VAPA: variants seen among roughly 807,000 people sequenced by gnomAD.
VAPA encodes the protein VAMP associated protein A.
VAPA carries 6 observed loss-of-function variants against 25.6 expected under a neutral mutation model. That is an observed-to-expected ratio of 0.23 (90% CI 0.13 to 0.46). VAPA has a LOEUF of 0.46. Ranked by LOEUF, VAPA falls within the 20% of genes least tolerant of loss-of-function variation. The pLI, the probability that VAPA is intolerant of heterozygous loss-of-function variation, is 0.99. For synonymous variants in VAPA, 112 were observed against 106.2 expected (o/e 1.05, Z -0.34); for missense variants, 244 against 302.1 (o/e 0.81, Z 1.43).
At chr18:9,942,043 T>C (rs746578828) in intron 4 of VAPA, among the ~76,000 whole-genome samples, 1 of 152,234 alleles carries the variant, frequency 6.6e-6, no homozygotes, top group Non-Finnish European at 1.5e-5. Flanking sequence ...GCAAAATCAG[T>C]TCAGCTTTTA....
chr18:9,921,841 G>A (rs1487241601), intron 1 of VAPA, among the ~76,000 whole-genome samples: 1 of 152,112 alleles, frequency 6.6e-6, no homozygotes, highest in Non-Finnish European at 1.5e-5. Flanking sequence ...AGTTTTAAAC[G>A]TTTGAAAACT....
rs2069260816 is a variant in VAPA, at chr18:9,932,046, A to C, written c.232+84A>C. On this transcript the variant is annotated intron_variant, in intron 2 of 5. Transcript: ENST00000400000. ...TTTTGTTTAATAAGGTTTCATCTGG[A>C]GGGAGGGAAATAATTCTTATATTAT... The C allele has an allele frequency of 5.2e-6, 5 of 959,326 alleles. No individual in the cohort carries two copies. In the South Asian group the frequency reaches 8.6e-5, roughly 17 times the overall value. 59.4% of individuals were successfully genotyped at this position (959,326 alleles called of 1,614,324 possible).
At position 9,956,789 on chromosome 18, in the gene VAPA, A is replaced by C. The variant is rs1008314511; in HGVS notation, c.*2578A>C. 1 of 152,370 alleles carries C rather than the reference A, an allele frequency of 6.6e-6. No homozygotes were observed. Among genetic ancestry groups the C allele is most frequent in the African/African-American group, 2.4e-5 (1 of 41,464 alleles). 9.4% of individuals were successfully genotyped at this position (152,370 alleles called of 1,614,324 possible). On this transcript the variant is annotated 3_prime_UTR_variant, in exon 6 of 6. Transcript: ENST00000400000. ...CTGCTTACTTGTATATGTAAGCATG[A>C]GGGAAATACACTGTTGCTAATACTG... is the stretch of plus-strand genomic sequence containing the variant.
intron 4 of VAPA, among the ~76,000 whole-genome samples, chr18:9,943,840 C>CTTTTTT (rs1281083775): frequency 3.3e-5 from 3 of 90,480 alleles, no homozygotes; most frequent in South Asian, 3.3e-4. Flanking sequence ...GACATATTTC[C>CTTTTTT]CTTTTTTTTT....
intron 2 of VAPA, among the ~76,000 whole-genome samples, chr18:9,932,880 G>A (rs1391232800): frequency 1.3e-5 from 2 of 152,012 alleles, no homozygotes; most frequent in Non-Finnish European, 1.5e-5. Context: ...AGGCCGAGGC[G>A]GGTGGATCAC....
rs1051284303 is a variant in VAPA, at chr18:9,957,499, A to G, written c.*3288A>G. On this transcript the variant is annotated 3_prime_UTR_variant, in exon 6 of 6. Coordinates refer to ENST00000400000, the MANE Select transcript of VAPA (RefSeq NM_194434.3). ...CCAACTTGTGATCTTCTACCACTTT[A>G]GAGACATTCAAGTAATAGTTTTCTT... The G allele has an allele frequency of 2.0e-5, 3 of 152,216 alleles. No individual in the cohort carries two copies. Among genetic ancestry groups the G allele is most frequent in the Non-Finnish European group, 1.5e-5 (1 of 68,026 alleles). 9.4% of individuals were successfully genotyped at this position (152,216 alleles called of 1,614,324 possible).
intron 1 of VAPA, among the ~76,000 whole-genome samples, chr18:9,916,566 T>TGGG: frequency 6.6e-6 from 1 of 152,280 alleles, no homozygotes; most frequent in Middle Eastern, 3.4e-3. Flanking sequence ...ATGGAGATGA[T>TGGG]GGGGAGGATT....
In VAPA at chr18:9,950,435, C is replaced by G. The variant is rs752269840; in HGVS notation, c.458C>G (p.Ser153Cys). 2 of 1,614,028 alleles carry G rather than the reference C, an allele frequency of 1.2e-6. No homozygotes were observed. The highest frequency in any genetic ancestry group is 1.1e-5 in the South Asian group (1 of 91,042). The change falls in exon 5 of 6, where the codon TCT becomes TGT. Residue 153 changes from serine (S) to cysteine (C), a missense_variant. Physicochemically the swap from Ser to Cys is moderately radical, Grantham distance 112. Coordinates refer to ENST00000400000, the MANE Select transcript of VAPA (RefSeq NM_194434.3). Reference protein sequence around the residue: ...EPSKAVPLNASKQDGPMPKPH... With the variant: ...EPSKAVPLNACKQDGPMPKPH... ...AGCAAAGCTGTTCCACTGAATGCAT[C>G]TAAGCAAGATGGACCTATGCCAAAA...
Position 9,959,459 on chromosome 18 carries a change from A to G in VAPA, c.*5248A>G, listed in dbSNP as rs999751988. ...CAAGAGTGTGTGTTACTCTAAGAAG[A>G]AGGCTATAGAATTTATGGAAATGGC... is the stretch of plus-strand genomic sequence containing the variant. On this transcript the variant is annotated 3_prime_UTR_variant, in exon 6 of 6. Transcript: ENST00000400000. The G allele has an allele frequency of 2.6e-5, 4 of 152,148 alleles. No individual in the cohort carries two copies. The highest frequency in any genetic ancestry group is 2.9e-5 in the Non-Finnish European group (2 of 68,004). 9.4% of individuals were successfully genotyped at this position (152,148 alleles called of 1,614,324 possible). A position where few individuals can be genotyped will look rare whatever the true frequency, so the allele number is the denominator to read the frequency against.
intron 4 of VAPA, among the ~76,000 whole-genome samples, chr18:9,943,224 A>G (rs1423029140): frequency 1.3e-5 from 2 of 152,218 alleles, no homozygotes; most frequent in Non-Finnish European, 2.9e-5. Context: ...ATTTGTGACA[A>G]AACAATTCTC....
Position 9,954,234 on chromosome 18 carries a change from TTC to T in VAPA, c.*25_*26del, listed in dbSNP as rs772624140. ...TAGAGTGAAGCATGCAGAGTGCTGT[TTC>T]TTTTTTTTTTTTTCTCTTGACCAGA... is the stretch of plus-strand genomic sequence containing the variant. On this transcript the variant is annotated 3_prime_UTR_variant, in exon 6 of 6. Transcript: ENST00000400000. The T allele has an allele frequency of 1.9e-6, 3 of 1,566,332 alleles. No homozygotes were observed. The African/African-American group carries it at 4.2e-5, about 22-fold the overall frequency.
intron 4 of VAPA, among the ~76,000 whole-genome samples, chr18:9,945,881 C>T (rs1476862120): frequency 6.6e-6 from 1 of 152,080 alleles, no homozygotes; most frequent in East Asian, 1.9e-4. Flanking sequence ...AATCCTGTCT[C>T]TTAATTCATA....
chr18:9,948,101 TTTC>T (rs1216896973), intron 4 of VAPA: 2 of 152,346 alleles, frequency 1.3e-5, no homozygotes, highest in South Asian at 2.1e-4. Flanking sequence ...TTGGTTATCA[TTTC>T]TTCTCCTTTT....
chr18:9,933,116 A>G (rs1002099332), intron 2 of VAPA, among the ~76,000 whole-genome samples: 1 of 152,120 alleles, frequency 6.6e-6, no homozygotes, highest in African/African-American at 2.4e-5. Flanking sequence ...TACCTTAAAA[A>G]AAAAAAAAGC....
intron 2 of VAPA, 29 bp downstream of exon 2, chr18:9,931,991 C>G: frequency 6.7e-7 from 1 of 1,492,798 alleles, no homozygotes; most frequent in Non-Finnish European, 9.1e-7. Flanking sequence ...AATTTATGTA[C>G]ATTTGAATTT....
intron 1 of VAPA, among the ~76,000 whole-genome samples, chr18:9,917,416 G>T (rs1188832348): frequency 6.6e-6 from 1 of 152,088 alleles, no homozygotes; most frequent in African/African-American, 2.4e-5. Context: ...TCAGTCTCCA[G>T]AGTAGCTGGA....
In VAPA at chr18:9,945,453, C is replaced by T. The variant is rs184915564; in HGVS notation, c.418-4942C>T. On this transcript the variant is annotated intron_variant, in intron 4 of 5. Transcript: ENST00000400000. ...CAGCTCACTGCAACCTCTGCCTCCC[C>T]GGTTCAAGGGATTCTCCCACCTCAG... 3.1e-3 allele frequency among the ~76,000 whole-genome samples: 458 copies of T among 145,452 alleles called. 5 individuals carry two copies. Among genetic ancestry groups the T allele is most frequent in the African/African-American group, 0.011 (433 of 39,056 alleles).
At chr18:9,937,737 A>C (rs749531260) in intron 4 of VAPA, among the ~76,000 whole-genome samples, 4 of 152,096 alleles carry the variant, frequency 2.6e-5, no homozygotes, top group Non-Finnish European at 5.9e-5. Flanking sequence ...TTGAAAGATA[A>C]ATTTTTCTGT....
Position 9,958,917 on chromosome 18 carries a change from A to G in VAPA, c.*4706A>G, listed in dbSNP as rs1263283547. The G allele has an allele frequency of 2.0e-5, 3 of 152,210 alleles. No homozygotes were observed. The highest frequency in any genetic ancestry group is 4.4e-5 in the Non-Finnish European group (3 of 68,030). 9.4% of individuals were successfully genotyped at this position (152,210 alleles called of 1,614,324 possible). A position where few individuals can be genotyped will look rare whatever the true frequency, so the allele number is the denominator to read the frequency against. The stretch of plus-strand genomic sequence containing the variant: ...TTGCCATTTTGCTGACACCCAGTGT[A>G]CCTACCTACCTGAGAAATTTATTTT... On this transcript the variant is annotated 3_prime_UTR_variant, in exon 6 of 6. Transcript: ENST00000400000.
Sources: allele counts gnomAD v4.1 joint callset (sites outside exome capture counted in the v4.1 genomes callset), GRCh38; gene constraint gnomAD v4.1.1; transcripts MANE v1.5; gene names NCBI Gene and HGNC (gene_info 2026-07-23, HGNC 2026-07-21).